PRDM16: variants seen among roughly 807,000 people sequenced by gnomAD.
PRDM16 encodes histone-lysine N-methyltransferase PRDM16.
Under a neutral mutation model 110.6 loss-of-function variants are expected in PRDM16, and 23 were observed. The observed-to-expected ratio is 0.21, with a 90% CI of 0.15 to 0.29. The LOEUF (loss-of-function observed/expected upper bound fraction) is 0.29. PRDM16 is among the 10% of genes least tolerant of loss of function. The pLI is 1.00. For missense variants in PRDM16, 1,615 were observed against 1,794.3 expected (o/e 0.90, Z 1.81); for synonymous variants, 799 against 781.8 (o/e 1.02, Z -0.37).
chr1:3,372,491 A>G (rs1204982997), intron 3 of PRDM16, among the ~76,000 whole-genome samples: 1 of 152,220 alleles, frequency 6.6e-6, no homozygotes, highest in Non-Finnish European at 1.5e-5. Context: ...CTCACAGAGA[A>G]ACCGCTTCCT....
chr1:3,285,882 G>T (rs1232211338), intron 3 of PRDM16, among the ~76,000 whole-genome samples: 1 of 152,220 alleles, frequency 6.6e-6, no homozygotes, highest in South Asian at 2.1e-4. Context: ...CATCTCTGCC[G>T]AGCGTGGAGC....
In PRDM16 at chr1:3,246,504, A is replaced by C. The variant is rs762320340; in HGVS notation, c.438+2367A>C. On this transcript the variant is annotated intron_variant, in intron 3 of 16. Transcript: ENST00000270722. The surrounding 1 kb of genome is among the most constrained non-coding windows in gnomAD (Gnocchi z 5.2). ...GGGGCGTTGGTGGGCGGTCCTGTCC[A>C]AGCAGGCCTCCTGACCCCAGCCCAG... is the stretch of plus-strand genomic sequence containing the variant. 6.6e-6 allele frequency among the ~76,000 whole-genome samples: 1 copy of C among 152,152 alleles called. No individual in the cohort carries two copies. The highest frequency in any genetic ancestry group is 1.5e-5 in the Non-Finnish European group (1 of 68,020).
At chr1:3,194,350 C>T (rs147787880) in intron 2 of PRDM16, among the ~76,000 whole-genome samples, 88 of 152,314 alleles carry the variant, frequency 5.8e-4, no homozygotes, top group Non-Finnish European at 1.0e-3. Context: ...GAGCTGAGCC[C>T]CGCCATAAGC....
chr1:3,366,231 A>G (rs1229095954), intron 3 of PRDM16, among the ~76,000 whole-genome samples: 2 of 152,220 alleles, frequency 1.3e-5, no homozygotes, highest in Non-Finnish European at 2.9e-5. Flanking sequence ...GAGCACGACC[A>G]TGACTTAATG....
chr1:3,193,130 C>T (rs115071261), intron 2 of PRDM16, among the ~76,000 whole-genome samples: 17 of 152,110 alleles, frequency 1.1e-4, no homozygotes, highest in East Asian at 3.9e-4. Flanking sequence ...AGCGGCCAGA[C>T]GACGAGTACC....
intron 3 of PRDM16, among the ~76,000 whole-genome samples, chr1:3,274,713 C>T (rs975617983): frequency 6.6e-6 from 1 of 152,208 alleles, no homozygotes; most frequent in Non-Finnish European, 1.5e-5. Flanking sequence ...TGCACAAAGT[C>T]GCTGGAGCTG....
At chr1:3,403,590 G>A (rs116042064) in intron 6 of PRDM16, among the ~76,000 whole-genome samples, 2,654 of 152,322 alleles carry the variant, frequency 0.017, 81 homozygotes, top group African/African-American at 0.061. Context: ...AGACATGAGC[G>A]GGCCCACGGT....
chr1:3,256,212 C>T (rs1382869660), intron 3 of PRDM16, among the ~76,000 whole-genome samples: 2 of 152,166 alleles, frequency 1.3e-5, no homozygotes, highest in African/African-American at 4.8e-5. Context: ...AACTCCATGG[C>T]ACTCCAGACA....
At position 3,126,593 on chromosome 1, in the gene PRDM16, C is replaced by T. The variant is rs537272438; in HGVS notation, c.37+57297C>T. 2.5e-3 allele frequency among the ~76,000 whole-genome samples: 383 copies of T among 152,264 alleles called. 2 individuals carry two copies. Among genetic ancestry groups the T allele is most frequent in the Non-Finnish European group, 4.1e-3 (279 of 68,038 alleles). On this transcript the variant is annotated intron_variant, in intron 1 of 16. Transcript: ENST00000270722. ...TACCCAATCCCAAGCAGTGGCCTAC[C>T]GTGCTTGAGCTCTGTGGTGGGCAGA...
intron 3 of PRDM16, among the ~76,000 whole-genome samples, chr1:3,383,057 G>A (rs1412230431): frequency 6.6e-6 from 1 of 152,232 alleles, no homozygotes. Context: ...CCCACCTACA[G>A]TTCCGAGTGG....
chr1:3,405,938 G>A (rs552522438), intron 8 of PRDM16, among the ~76,000 whole-genome samples: 1 of 152,212 alleles, frequency 6.6e-6, no homozygotes, highest in African/African-American at 2.4e-5. Context: ...GGAGGGACCA[G>A]GGTCCTGCAG....
intron 4 of PRDM16, among the ~76,000 whole-genome samples, chr1:3,393,367 T>C (rs775136037): frequency 2.8e-4 from 43 of 152,348 alleles, no homozygotes; most frequent in Non-Finnish European, 5.3e-4. Context: ...CCAGACTTTA[T>C]TTTTGCTTCA....
rs954651368 is a variant in PRDM16, at chr1:3,143,348, C to T, written c.38-42777C>T. Among the ~76,000 whole-genome samples, 9 of 152,318 alleles carry T rather than the reference C, an allele frequency of 5.9e-5. No homozygotes were observed. The East Asian group carries it at 1.7e-3, about 29-fold the overall frequency. On this transcript the variant is annotated intron_variant, in intron 1 of 16. Coordinates refer to ENST00000270722, the MANE Select transcript of PRDM16 (RefSeq NM_022114.4). This position sits in a 1 kb window ranked among gnomAD's most constrained non-coding sequence, Gnocchi z 4.5. The stretch of plus-strand genomic sequence containing the variant: ...ACAGCAGGACCCTCAGGCAGTAGGG[C>T]TCCAAGCACCAGCCCCTCGCCCCAG...
rs760555512 is a variant in PRDM16, at chr1:3,358,616, C to T, written c.439-26536C>T. 1.3e-5 allele frequency among the ~76,000 whole-genome samples: 2 copies of T among 152,186 alleles called. No homozygotes were observed. Among genetic ancestry groups the T allele is most frequent in the East Asian group, 1.9e-4 (1 of 5,176 alleles). On this transcript the variant is annotated intron_variant, in intron 3 of 16. Coordinates refer to ENST00000270722, the MANE Select transcript of PRDM16 (RefSeq NM_022114.4). This position sits in a 1 kb window ranked among gnomAD's most constrained non-coding sequence, Gnocchi z 4.0. The stretch of plus-strand genomic sequence containing the variant: ...CCTCCCTCCTGCCCTCAGCCCTCTC[C>T]GAAGAGCTCAGAAACATCTCCGATT...
At chr1:3,378,320 C>G (rs1643031429) in intron 3 of PRDM16, among the ~76,000 whole-genome samples, 2 of 152,270 alleles carry the variant, frequency 1.3e-5, no homozygotes, top group Middle Eastern at 3.4e-3. Context: ...CTCTCTCTGT[C>G]CTTGTGGGTG....
Position 3,436,742 on chromosome 1 carries a change from C to T in PRDM16, c.*2931C>T, listed in dbSNP as rs908151639. ...TTCTGGCCTCCAGCTGTCACCACAC[C>T]GTAACGGGGCCATGTAACTGTGCAG... is the stretch of plus-strand genomic sequence containing the variant. On this transcript the variant is annotated 3_prime_UTR_variant, in exon 17 of 17. Coordinates refer to ENST00000270722, the MANE Select transcript of PRDM16 (RefSeq NM_022114.4). 1.3e-5 allele frequency: 3 copies of T among 232,678 alleles called. No homozygotes were observed. The highest frequency in any genetic ancestry group is 2.2e-5 in the African/African-American group (1 of 45,314). The allele number at this position is 232,678 out of a possible 1,614,324, so 14.4% of individuals were successfully genotyped here. A position where few individuals can be genotyped will look rare whatever the true frequency, so the allele number is the denominator to read the frequency against.
intron 4 of PRDM16, among the ~76,000 whole-genome samples, chr1:3,395,557 T>C (rs956389157): frequency 1.3e-5 from 2 of 152,072 alleles, no homozygotes; most frequent in South Asian, 2.1e-4. Context: ...ATGTGCAGGG[T>C]GGGCAGTGAC....
At chr1:3,364,623 G>A (rs1345136510) in intron 3 of PRDM16, among the ~76,000 whole-genome samples, 1 of 152,190 alleles carries the variant, frequency 6.6e-6, no homozygotes, top group East Asian at 1.9e-4. Context: ...TGGTGCAAGG[G>A]CAAAATTAAA....
intron 2 of PRDM16, among the ~76,000 whole-genome samples, chr1:3,222,264 G>T (rs1010427486): frequency 6.8e-6 from 1 of 147,790 alleles, no homozygotes; most frequent in African/African-American, 2.5e-5. Context: ...AGCTGGTGAC[G>T]ACAGATGTAA....
Sources: gnomAD v4.1 joint callset for allele counts (sites outside exome capture counted in the v4.1 genomes callset) on GRCh38, gnomAD v4.1.1 for gene constraint, Gnocchi (gnomAD v3.1) non-coding constraint, MANE v1.5 for transcripts, NCBI Gene and HGNC (gene_info 2026-07-23, HGNC 2026-07-21) for gene names.